Variants in NRG4 observed in about 807,000 individuals in gnomAD.
NRG4 encodes pro-neuregulin-4, membrane-bound isoform.
In NRG4, 10 loss-of-function variants were observed where a neutral mutation model predicts 15.0. The observed-to-expected ratio is 0.67, with a 90% CI of 0.41 to 1.13. The LOEUF (loss-of-function observed/expected upper bound fraction) is 1.13. NRG4 is among the 50% of genes most tolerant of loss of function. The probability of loss-of-function intolerance (pLI) is 0.00; values close to 1 mark genes in which losing one functional copy is unlikely to be tolerated. For missense variants in NRG4, 139 were observed against 140.2 expected (o/e 0.99, Z 0.04); for synonymous variants, 41 against 50.1 (o/e 0.82, Z 0.77).
chr15:76,015,547 T>C (rs2034949675), upstream of NRG4, among the ~76,000 whole-genome samples: 1 of 152,216 alleles, frequency 6.6e-6, no homozygotes, highest in East Asian at 1.9e-4. Context: ...TTTTAGTTTT[T>C]AGCATAAAGG....
chr15:75,946,651 G>A (rs1353407060), intron 5 of NRG4, among the ~76,000 whole-genome samples: 2 of 151,962 alleles, frequency 1.3e-5, no homozygotes, highest in Non-Finnish European at 2.9e-5. Context: ...GAGCCACCGC[G>A]CCTGGCCCTC....
At chr15:75,961,690 C>T (rs543223376) in intron 4 of NRG4, 138 bp downstream of exon 4, 1 of 610,930 alleles carries the variant, frequency 1.6e-6, no homozygotes, top group Non-Finnish European at 2.8e-6. Context: ...AAATTAGTAA[C>T]AAAAACTGTA....
chr15:76,023,468 A>T (rs939369062), intron 5 of NRG4, among the ~76,000 whole-genome samples: 2 of 152,178 alleles, frequency 1.3e-5, no homozygotes, highest in Non-Finnish European at 2.9e-5. Context: ...CACAGTCCTT[A>T]CTACAGGTGA....
intron 3 of NRG4, among the ~76,000 whole-genome samples, chr15:75,985,240 C>T (rs1420934944): frequency 1.3e-5 from 2 of 152,116 alleles, no homozygotes; most frequent in East Asian, 1.9e-4. Flanking sequence ...TAGTTTTACC[C>T]ACAGTAATGA....
At chr15:75,951,163 C>CA (rs2031865957) in intron 5 of NRG4, 1 of 90,554 alleles carries the variant, frequency 1.1e-5, no homozygotes, top group Non-Finnish European at 1.9e-5. Flanking sequence ...TTTCTTTTTT[C>CA]TTTTTTTTTT....
intron 5 of NRG4, among the ~76,000 whole-genome samples, chr15:76,022,385 A>G (rs530498556): frequency 1.8e-3 from 275 of 151,880 alleles, no homozygotes; most frequent in Middle Eastern, 0.01. Flanking sequence ...ATGTGATTAA[A>G]CCTAATATTT....
At chr15:76,015,816 T>C (rs1263697355), upstream of NRG4, among the ~76,000 whole-genome samples, 1 of 152,238 alleles carries the variant, frequency 6.6e-6, no homozygotes, top group East Asian at 1.9e-4. Context: ...TGTTTTCTTG[T>C]TGTATCTCTG....
At chr15:75,980,387 T>TA (rs1227782484) in intron 3 of NRG4, among the ~76,000 whole-genome samples, 7 of 150,478 alleles carry the variant, frequency 4.7e-5, no homozygotes, top group South Asian at 2.1e-4. Context: ...TTGGGGATTT[T>TA]TTTTTTTTTT....
intron 1 of NRG4, among the ~76,000 whole-genome samples, chr15:76,059,197 A>T (rs746797974): frequency 3.3e-5 from 5 of 152,246 alleles, no homozygotes; most frequent in Non-Finnish European, 5.9e-5. Flanking sequence ...ACGGAAAAAG[A>T]GGAGAAACAC....
intron 3 of NRG4, among the ~76,000 whole-genome samples, chr15:75,964,023 C>T (rs1248758669): frequency 6.6e-6 from 1 of 151,722 alleles, no homozygotes; most frequent in Non-Finnish European, 1.5e-5. Flanking sequence ...ATATAAATTA[C>T]CAATTTTTCC....
At chr15:75,994,296 T>G (rs926916729) in intron 3 of NRG4, among the ~76,000 whole-genome samples, 1 of 152,206 alleles carries the variant, frequency 6.6e-6, no homozygotes, top group African/African-American at 2.4e-5. Flanking sequence ...TATTTGGGCA[T>G]ATAAAGCACA....
intron 5 of NRG4, among the ~76,000 whole-genome samples, chr15:75,945,601 C>T (rs34458252): frequency 6.6e-6 from 1 of 152,166 alleles, no homozygotes; most frequent in Non-Finnish European, 1.5e-5. Context: ...CATGCTTTTA[C>T]TCATGTACAG....
intron 4 of NRG4, among the ~76,000 whole-genome samples, chr15:75,959,768 G>A (rs2032426776): frequency 6.6e-6 from 1 of 152,168 alleles, no homozygotes; most frequent in African/African-American, 2.4e-5. Context: ...ACAGACATGA[G>A]CTACCATGTC....
At position 75,972,558 on chromosome 15, in the gene NRG4, GA is replaced by G. The variant is rs530710159; in HGVS notation, c.105-10585del. Among the ~76,000 whole-genome samples the G allele has an allele frequency of 5.3e-3, 813 of 152,274 alleles. 10 individuals are homozygous for G. The highest frequency in any genetic ancestry group is 0.019 in the African/African-American group (770 of 41,564). On this transcript the variant is annotated intron_variant, in intron 3 of 5. Transcript: ENST00000394907. Reference sequence around the variant, plus strand: ...AGTTAATTTTTGTATAAGGTGTAAGGAAGGGGTCCAGTTTCAGTTTTCTGCC... The same window carrying G: ...AGTTAATTTTTGTATAAGGTGTAAGGAGGGGTCCAGTTTCAGTTTTCTGCC...
chr15:76,049,939 A>G (rs756976527), intron 4 of NRG4, among the ~76,000 whole-genome samples: 7 of 150,934 alleles, frequency 4.6e-5, no homozygotes, highest in Non-Finnish European at 8.8e-5. Context: ...GTACTTGGAG[A>G]GTATTACAAG....
chr15:76,040,886 C>T (rs1401796617), intron 4 of NRG4, among the ~76,000 whole-genome samples: 1 of 152,222 alleles, frequency 6.6e-6, no homozygotes, highest in Non-Finnish European at 1.5e-5. Flanking sequence ...GATTGTGCCA[C>T]TGCACTCTAG....
chr15:76,014,655 G>C (rs2034921297), upstream of NRG4, among the ~76,000 whole-genome samples: 1 of 152,184 alleles, frequency 6.6e-6, no homozygotes, highest in African/African-American at 2.4e-5. Context: ...GATGGTTGTA[G>C]ATGGGTGGAG....
intron 5 of NRG4, among the ~76,000 whole-genome samples, chr15:76,023,094 C>A (rs906554121): frequency 2.1e-5 from 3 of 145,172 alleles, no homozygotes; most frequent in Admixed American, 1.4e-4. Flanking sequence ...GTGATGTCAG[C>A]AAGATAGCTC....
chr15:75,949,392 CAAAAAAA>C (rs59154521), intron 5 of NRG4, among the ~76,000 whole-genome samples: 2 of 144,332 alleles, frequency 1.4e-5, no homozygotes, highest in Non-Finnish European at 3.0e-5. Context: ...GCCTGGGTGA[CAAAAAAA>C]AAAAAAAAAA....
Sources: gnomAD v4.1 joint callset for allele counts (sites outside exome capture counted in the v4.1 genomes callset) on GRCh38, gnomAD v4.1.1 for gene constraint, MANE v1.5 for transcripts, NCBI Gene and HGNC (gene_info 2026-07-23, HGNC 2026-07-21) for gene names.